C3orf70: variants seen among roughly 807,000 people sequenced by gnomAD.
C3orf70 encodes chromosome 3 open reading frame 70, also known as UPF0524 protein C3orf70.
A neutral mutation model predicts 20.7 loss-of-function variants in C3orf70; 15 were observed. That is an observed-to-expected ratio of 0.72 (90% CI 0.48 to 1.11). C3orf70 has a LOEUF of 1.11. C3orf70 is among the 50% of genes most tolerant of loss of function. The pLI, the probability that C3orf70 is intolerant of heterozygous loss-of-function variation, is 0.00. For missense variants in C3orf70, 332 were observed against 317.6 expected, an observed-to-expected ratio of 1.05 and a Z score of -0.34; for synonymous variants, 161 against 125.7, an observed-to-expected ratio of 1.28 and a Z score of -1.88.
At chr3:185,103,709 G>A (rs1037189724) in intron 1 of C3orf70, among the ~76,000 whole-genome samples, 2 of 152,170 alleles carry the variant, frequency 1.3e-5, no homozygotes, top group Non-Finnish European at 2.9e-5. Flanking sequence ...ACTGGTCCTC[G>A]GAGAAGCAGC....
At chr3:185,088,603 G>A (rs920030278) in intron 1 of C3orf70, among the ~76,000 whole-genome samples, 6 of 152,046 alleles carry the variant, frequency 3.9e-5, no homozygotes, top group African/African-American at 1.4e-4. Flanking sequence ...CTTTTTTGGT[G>A]TATTGTATTA....
intron 1 of C3orf70, among the ~76,000 whole-genome samples, chr3:185,100,359 G>C (rs754189912): frequency 1.3e-5 from 2 of 152,098 alleles, no homozygotes; most frequent in African/African-American, 2.4e-5. Context: ...TCGGACCACA[G>C]AGCAATCAAA....
chr3:185,123,891 T>C (rs1251132111), intron 1 of C3orf70, among the ~76,000 whole-genome samples: 1 of 152,210 alleles, frequency 6.6e-6, no homozygotes, highest in East Asian at 1.9e-4. Context: ...TTCAGGATTT[T>C]GATCTTTCAG....
chr3:185,130,890 T>G (rs1247149453), intron 1 of C3orf70, among the ~76,000 whole-genome samples: 1 of 152,272 alleles, frequency 6.6e-6, no homozygotes, highest in Non-Finnish European at 1.5e-5. Flanking sequence ...TTCTTTCTAC[T>G]TTTTGGCTAT....
chr3:185,113,043 A>G (rs1716104903), intron 1 of C3orf70, among the ~76,000 whole-genome samples: 1 of 152,188 alleles, frequency 6.6e-6, no homozygotes, highest in Non-Finnish European at 1.5e-5. Context: ...ATGCACATAA[A>G]TCCCATAGAG....
chr3:185,100,771 A>G (rs1427046489), intron 1 of C3orf70, among the ~76,000 whole-genome samples: 5 of 152,130 alleles, frequency 3.3e-5, no homozygotes, highest in African/African-American at 1.2e-4. Context: ...TTGAAAAAAA[A>G]AAATTAACAA....
intron 1 of C3orf70, among the ~76,000 whole-genome samples, chr3:185,102,433 T>C (rs1715841337): frequency 6.6e-6 from 1 of 152,196 alleles, no homozygotes; most frequent in Non-Finnish European, 1.5e-5. Flanking sequence ...TGGGAAAACA[T>C]TCCATGCTTG....
chr3:185,094,977 T>C (rs1217775255), intron 1 of C3orf70, among the ~76,000 whole-genome samples: 2 of 152,128 alleles, frequency 1.3e-5, no homozygotes, highest in Non-Finnish European at 2.9e-5. Context: ...AGGAAAACAG[T>C]GCAGAGAAGT....
rs181771780 is a variant in C3orf70 at position 185,129,742 on chromosome 3, T to C, written c.196+22886A>G. Among the ~76,000 whole-genome samples the C allele has an allele frequency of 3.9e-5, 6 of 152,352 alleles. No individual in the cohort carries two copies. The East Asian group carries it at 1.2e-3, about 29-fold the overall frequency. On this transcript the variant is annotated intron_variant, in intron 1 of 1. Coordinates refer to ENST00000335012, the MANE Select transcript of C3orf70 (RefSeq NM_001025266.3). The stretch of plus-strand genomic sequence containing the variant: ...CATCTGTTGTTTCTTGACTTTTTAA[T>C]AGAAGGCAATGTTAAACTTGTCCCA...
At chr3:185,105,727 G>A (rs1047421830) in intron 1 of C3orf70, among the ~76,000 whole-genome samples, 2 of 152,170 alleles carry the variant, frequency 1.3e-5, no homozygotes, top group Admixed American at 6.5e-5. Flanking sequence ...GGCATCCATC[G>A]TGGGGGCTCG....
rs1577315588 is a variant in C3orf70, at chr3:185,082,909, T to G, written c.*98A>C. 35 of 1,232,226 alleles carry G rather than the reference T, an allele frequency of 2.8e-5. No individual in the cohort carries two copies. Among genetic ancestry groups the G allele is most frequent in the East Asian group, 7.0e-5 (3 of 42,570 alleles). The allele number at this position is 1,232,226 out of a possible 1,614,324, so 76.3% of individuals were successfully genotyped here. ...GGTTGTTGGTTGGAGCGGGGCGGGG[T>G]GGGTAGAAAATATCAACAGCATTGG... On this transcript the variant is annotated 3_prime_UTR_variant, in exon 2 of 2. Transcript: ENST00000335012.
At chr3:185,124,617 C>T (rs1212270138) in intron 1 of C3orf70, among the ~76,000 whole-genome samples, 2 of 151,978 alleles carry the variant, frequency 1.3e-5, no homozygotes, top group East Asian at 3.9e-4. Context: ...ATCTTTGTGA[C>T]CTTGGATGAG....
chr3:185,140,519 G>A (rs1034155378), intron 1 of C3orf70, among the ~76,000 whole-genome samples: 1 of 152,070 alleles, frequency 6.6e-6, no homozygotes, highest in African/African-American at 2.4e-5. Flanking sequence ...ACCTGTTGTG[G>A]GCTGCATGTT....
chr3:185,132,279 C>A (rs185341340), intron 1 of C3orf70, among the ~76,000 whole-genome samples: 72 of 152,082 alleles, frequency 4.7e-4, no homozygotes, highest in Admixed American at 1.2e-3. Flanking sequence ...CTATCAGAAA[C>A]AGAACATAAA....
intron 1 of C3orf70, among the ~76,000 whole-genome samples, chr3:185,144,550 C>A (rs1277142545): frequency 6.6e-6 from 1 of 152,220 alleles, no homozygotes; most frequent in African/African-American, 2.4e-5. Context: ...CGACTCACTG[C>A]AACCTCCACC....
intron 1 of C3orf70, among the ~76,000 whole-genome samples, chr3:185,133,494 G>C (rs1291199209): frequency 6.6e-6 from 1 of 152,132 alleles, no homozygotes; most frequent in East Asian, 1.9e-4. Context: ...TATAATCCCA[G>C]CACTTTGGGA....
intron 1 of C3orf70, among the ~76,000 whole-genome samples, chr3:185,103,407 A>C (rs944001893): frequency 5.5e-4 from 84 of 152,240 alleles, no homozygotes; most frequent in African/African-American, 2.0e-3. Flanking sequence ...CAACGGAGTA[A>C]ACAGACCACA....
chr3:185,091,959 ATATATTTTTTT>A (rs1561331125), intron 1 of C3orf70, among the ~76,000 whole-genome samples: 12 of 6,994 alleles, frequency 1.7e-3, no homozygotes, highest in South Asian at 4.5e-3. Flanking sequence ...ATATATATAT[ATATATTTTTTT>A]TTTTTTTTAG....
chr3:185,086,578 A>C (rs1351224959), intron 1 of C3orf70, among the ~76,000 whole-genome samples: 1 of 152,164 alleles, frequency 6.6e-6, no homozygotes, highest in African/African-American at 2.4e-5. Flanking sequence ...TAGAATTCTC[A>C]GCTTCTAGAC....
Sources: allele counts gnomAD v4.1 joint callset (sites outside exome capture counted in the v4.1 genomes callset), GRCh38; gene constraint gnomAD v4.1.1; transcripts MANE v1.5; gene names NCBI Gene and HGNC (gene_info 2026-07-23, HGNC 2026-07-21).